Variants in ADD3 observed in about 807,000 individuals in gnomAD.
ADD3 encodes the protein gamma-adducin.
ADD3 carries 25 observed loss-of-function variants against 80.2 expected under a neutral mutation model. That is an observed-to-expected ratio of 0.31 (90% CI 0.23 to 0.44). The LOEUF is 0.44. Among genes scored for constraint, ADD3 ranks in the 20% least tolerant of loss-of-function variants. The pLI, the probability that ADD3 is intolerant of heterozygous loss-of-function variation, is 1.00. For synonymous variants in ADD3, 284 were observed against 289.6 expected, an observed-to-expected ratio of 0.98 and a Z score of 0.20; for missense variants, 829 against 847.5, an observed-to-expected ratio of 0.98 and a Z score of 0.27.
chr10:110,054,903 C>T (rs754485120), intron 1 of ADD3, among the ~76,000 whole-genome samples: 2 of 151,754 alleles, frequency 1.3e-5, no homozygotes, highest in Non-Finnish European at 1.5e-5. Context: ...CATGAGCCAC[C>T]GCGCCTGGCC....
At chr10:110,122,488 C>T (rs574470629) in intron 9 of ADD3, among the ~76,000 whole-genome samples, 196 bp downstream of exon 9, 30 of 151,910 alleles carry the variant, frequency 2.0e-4, no homozygotes, top group Admixed American at 3.3e-4. Flanking sequence ...TTTAAGATTA[C>T]AATATATTGT....
intron 1 of ADD3, among the ~76,000 whole-genome samples, chr10:110,085,491 G>A (rs1368953801): frequency 6.6e-6 from 1 of 152,190 alleles, no homozygotes; most frequent in Non-Finnish European, 1.5e-5. Flanking sequence ...TTCAGTAGGT[G>A]TCAAACTGTA....
At chr10:109,998,754 T>G (rs1344725559) in intron 1 of ADD3, among the ~76,000 whole-genome samples, 1 of 152,160 alleles carries the variant, frequency 6.6e-6, no homozygotes, top group Non-Finnish European at 1.5e-5. Context: ...TCTCTCCAGC[T>G]GCCGACTACA....
intron 4 of ADD3, 86 bp downstream of exon 4, chr10:110,116,496 G>A: frequency 7.3e-7 from 1 of 1,372,606 alleles, no homozygotes; most frequent in East Asian, 2.3e-5. Flanking sequence ...TGGAAGTCCA[G>A]TTTTCAGACT....
At position 110,133,379 on chromosome 10, in the gene ADD3, G is replaced by A; in HGVS notation, c.1882G>A (p.Val628Ile). The A allele has an allele frequency of 1.2e-6, 2 of 1,609,130 alleles. No homozygotes were observed. Among genetic ancestry groups the A allele is most frequent in the Non-Finnish European group, 1.7e-6 (2 of 1,175,988 alleles). Residue 628 changes from valine (V) to isoleucine (I), a missense_variant, in exon 15 of 15, where the codon GTA (valine) becomes ATA (isoleucine). By Grantham distance (29) the Val-to-Ile change is conservative (BLOSUM62 3). Transcript: ENST00000356080. The stretch of plus-strand genomic sequence containing the variant: ...CATCTCCATGGAAGTGCCTGTCATG[G>A]TAGTAAATGGCAAGGATGATATGCA... Reference protein sequence around the residue: ...SFISMEVPVMVVNGKDDMHDV... With the variant: ...SFISMEVPVMIVNGKDDMHDV...
chr10:110,071,938 T>TA (rs1844769223), intron 1 of ADD3, among the ~76,000 whole-genome samples: 1 of 152,238 alleles, frequency 6.6e-6, no homozygotes, highest in South Asian at 2.1e-4. Context: ...ATATTTCACT[T>TA]ATCCCCAACC....
intron 1 of ADD3, among the ~76,000 whole-genome samples, chr10:110,096,010 A>C (rs1400363579): frequency 6.6e-6 from 1 of 152,164 alleles, no homozygotes; most frequent in Non-Finnish European, 1.5e-5. Context: ...CTGGTGATGG[A>C]AATAATCTCC....
intron 1 of ADD3, among the ~76,000 whole-genome samples, chr10:110,081,196 A>G (rs1035454821): frequency 6.6e-5 from 10 of 152,342 alleles, no homozygotes; most frequent in East Asian, 5.8e-4. Flanking sequence ...CTGAGATATT[A>G]TTATTATTCA....
chr10:110,003,302 G>GGGGTGTGTGT (rs140966434), upstream of ADD3, among the ~76,000 whole-genome samples: 588 of 147,014 alleles, frequency 4.0e-3, 8 homozygotes, highest in African/African-American at 0.014. Flanking sequence ...GAACAGTAAG[G>GGGGTGTGTGT]GTGTGTGTGT....
At chr10:110,028,529 C>T (rs530731466) in intron 1 of ADD3, among the ~76,000 whole-genome samples, 1 of 152,280 alleles carries the variant, frequency 6.6e-6, no homozygotes, top group Admixed American at 6.5e-5. Flanking sequence ...CATGCCATTG[C>T]ACTCCAGCCT....
chr10:110,079,679 C>T (rs559074204), intron 1 of ADD3, among the ~76,000 whole-genome samples: 1 of 152,038 alleles, frequency 6.6e-6, no homozygotes, highest in Admixed American at 6.5e-5. Flanking sequence ...CCTTAGCCTC[C>T]CGAGTAGCTG....
At chr10:110,050,768 C>T (rs764115770) in intron 1 of ADD3, among the ~76,000 whole-genome samples, 14 of 152,154 alleles carry the variant, frequency 9.2e-5, no homozygotes, top group Non-Finnish European at 1.5e-4. Flanking sequence ...CCATCTCGGC[C>T]TCCCAAAGTG....
chr10:110,050,506 C>CT (rs59897959), intron 1 of ADD3, among the ~76,000 whole-genome samples: 1,473 of 129,402 alleles, frequency 0.011, 16 homozygotes, highest in African/African-American at 0.016. Context: ...CATTAAACCT[C>CT]TTTTTTTTTT....
chr10:110,115,260 T>A (rs1274627319), intron 3 of ADD3, among the ~76,000 whole-genome samples: 1 of 151,766 alleles, frequency 6.6e-6, no homozygotes, highest in Admixed American at 6.6e-5. Flanking sequence ...TGGTGGCACA[T>A]GCCTGTAATC....
intron 1 of ADD3, among the ~76,000 whole-genome samples, chr10:110,077,672 TC>T (rs2133722649): frequency 6.6e-6 from 1 of 152,328 alleles, no homozygotes; most frequent in South Asian, 2.1e-4. Context: ...CCTCATCAGT[TC>T]CGTGCTTCTG....
At chr10:110,132,449 C>T (rs376724530) in intron 14 of ADD3, 49 bp downstream of exon 14, 1 of 1,272,790 alleles carries the variant, frequency 7.9e-7, no homozygotes, top group Non-Finnish European at 1.1e-6. Context: ...AGTCTTGAGT[C>T]TGTCCCTCTG....
intron 1 of ADD3, among the ~76,000 whole-genome samples, chr10:110,076,426 C>A (rs1038655293): frequency 2.6e-5 from 4 of 151,988 alleles, no homozygotes; most frequent in Admixed American, 6.6e-5. Flanking sequence ...AAATAATTTT[C>A]TTTTTTACAT....
At chr10:110,089,708 TATATG>T (rs1341584214) in intron 1 of ADD3, among the ~76,000 whole-genome samples, 6 of 151,406 alleles carry the variant, frequency 4.0e-5, no homozygotes, top group African/African-American at 9.7e-5. Flanking sequence ...CACATATGTA[TATATG>T]ATATATGTTT....
chr10:110,076,224 T>C (rs1845358099), intron 1 of ADD3, among the ~76,000 whole-genome samples: 1 of 152,182 alleles, frequency 6.6e-6, no homozygotes, highest in Admixed American at 6.5e-5. Context: ...AAAACAGTAT[T>C]GGTTAAAATC....
Sources: allele counts gnomAD v4.1 joint callset (sites outside exome capture counted in the v4.1 genomes callset), GRCh38; gene constraint gnomAD v4.1.1; transcripts MANE v1.5; gene names NCBI Gene and HGNC (gene_info 2026-07-23, HGNC 2026-07-21).